The following LINGO2 variants were observed in gnomAD, a reference collection of about 807,000 sequenced individuals.
The protein encoded by LINGO2 is leucine rich repeat and Ig domain containing 2.
Under a neutral mutation model 30.6 loss-of-function variants are expected in LINGO2, and 14 were observed. The ratio of observed to expected loss-of-function variants is 0.46; its 90% confidence interval spans 0.30 to 0.72. The LOEUF (loss-of-function observed/expected upper bound fraction) is 0.72. Ranked by LOEUF, LINGO2 falls within the 30% of genes least tolerant of loss-of-function variation. The probability of loss-of-function intolerance (pLI) is 0.07; values close to 1 mark genes in which losing one functional copy is unlikely to be tolerated. For missense variants in LINGO2, 729 were observed against 751.7 expected (o/e 0.97, Z 0.35); for synonymous variants, 317 against 288.5 (o/e 1.10, Z -1.00).
In LINGO2 at chr9:28,233,052, AT is replaced by A. The variant is rs58593784; in HGVS notation, c.-87+62155del. ...ACATTATATATATATATATATATAT[AT>A]ATATATATTAGATATATAATAGATA... On this transcript the variant is annotated intron_variant, in intron 4 of 5. Coordinates refer to ENST00000379992, the Ensembl canonical transcript of LINGO2. Among the ~76,000 whole-genome samples the A allele has an allele frequency of 5.8e-4, 69 of 119,996 alleles. 2 individuals are homozygous for A. The highest frequency in any genetic ancestry group is 4.2e-3 in the South Asian group (16 of 3,768). The allele number at this position is 119,996 out of a possible 152,430, so 78.7% of individuals were successfully genotyped here.
At chr9:29,019,565 G>A in the LINGO2 span, among the ~76,000 whole-genome samples, 1 of 152,074 alleles carries the variant, frequency 6.6e-6, no homozygotes, top group Non-Finnish European at 1.5e-5. Context: ...GTCACATTTT[G>A]TCTAGTGAAA....
the LINGO2 span, among the ~76,000 whole-genome samples, chr9:28,862,190 G>A: frequency 1.3e-5 from 2 of 152,006 alleles, no homozygotes; most frequent in African/African-American, 4.8e-5. Flanking sequence ...CCCAACAAAA[G>A]CACAGGAAAT....
At chr9:29,090,803 A>G in the LINGO2 span, among the ~76,000 whole-genome samples, 1 of 151,950 alleles carries the variant, frequency 6.6e-6, no homozygotes, top group African/African-American at 2.4e-5. Flanking sequence ...TGATTACTCA[A>G]TGTCACTAGA....
intron 4 of LINGO2, among the ~76,000 whole-genome samples, chr9:28,261,718 G>T (rs961109964): frequency 2.6e-5 from 4 of 151,824 alleles, no homozygotes; most frequent in Non-Finnish European, 5.9e-5. Flanking sequence ...TATTATTCAA[G>T]AAGAGAACCA....
chr9:28,414,543 C>G (rs1250185963), intron 2 of LINGO2, among the ~76,000 whole-genome samples: 1 of 151,996 alleles, frequency 6.6e-6, no homozygotes. Flanking sequence ...AGAAAATATA[C>G]CTTACCAACT....
chr9:28,540,593 C>A (rs972043404), intron 1 of LINGO2, among the ~76,000 whole-genome samples: 37 of 152,002 alleles, frequency 2.4e-4, no homozygotes, highest in African/African-American at 8.9e-4. Context: ...ATTTTTCTTC[C>A]AAATAATCTA....
chr9:28,925,872 A>G, the LINGO2 span, among the ~76,000 whole-genome samples: 2 of 152,202 alleles, frequency 1.3e-5, no homozygotes, highest in South Asian at 4.1e-4. Context: ...ACAAGCAGTG[A>G]GTTTATGCCA....
the LINGO2 span, among the ~76,000 whole-genome samples, chr9:28,699,109 A>G: frequency 3.9e-5 from 6 of 151,998 alleles, no homozygotes; most frequent in Non-Finnish European, 7.4e-5. Flanking sequence ...ACTATGGTCA[A>G]TGAACACACT....
intron 2 of LINGO2, among the ~76,000 whole-genome samples, chr9:28,384,439 A>G (rs978392622): frequency 6.6e-6 from 1 of 150,784 alleles, no homozygotes; most frequent in Non-Finnish European, 1.5e-5. Flanking sequence ...ATTTTATTGT[A>G]GTTATTGATA....
upstream of LINGO2, among the ~76,000 whole-genome samples, chr9:28,671,196 A>C (rs1828994809): frequency 6.6e-6 from 1 of 152,018 alleles, no homozygotes; most frequent in Non-Finnish European, 1.5e-5. Flanking sequence ...GTGAATCAGC[A>C]CCATGGACGT....
chr9:28,871,067 T>G, the LINGO2 span, among the ~76,000 whole-genome samples: 3 of 151,894 alleles, frequency 2.0e-5, no homozygotes, highest in African/African-American at 7.2e-5. Flanking sequence ...GTAAAATATA[T>G]TGACAGATGA....
chr9:28,791,388 T>A, the LINGO2 span, among the ~76,000 whole-genome samples: 1 of 152,024 alleles, frequency 6.6e-6, no homozygotes, highest in Admixed American at 6.6e-5. Context: ...TTATATTTAA[T>A]AATAAACCAC....
the LINGO2 span, among the ~76,000 whole-genome samples, chr9:29,202,719 A>G: frequency 6.6e-6 from 1 of 152,082 alleles, no homozygotes; most frequent in Non-Finnish European, 1.5e-5. Flanking sequence ...TTACTTCAAC[A>G]TAATCATGGA....
At chr9:28,853,208 T>G in the LINGO2 span, among the ~76,000 whole-genome samples, 1 of 152,046 alleles carries the variant, frequency 6.6e-6, no homozygotes, top group Non-Finnish European at 1.5e-5. Flanking sequence ...GGATTCCTCT[T>G]GGGGACCAGG....
At chr9:29,080,523 C>T in the LINGO2 span, among the ~76,000 whole-genome samples, 6 of 151,716 alleles carry the variant, frequency 4.0e-5, no homozygotes, top group African/African-American at 9.7e-5. Context: ...CTAGTTCTTT[C>T]AATTGTGATG....
chr9:29,168,452 C>G, the LINGO2 span, among the ~76,000 whole-genome samples: 1 of 152,124 alleles, frequency 6.6e-6, no homozygotes, highest in African/African-American at 2.4e-5. Flanking sequence ...CCACACTTGC[C>G]TAGGATTGTT....
At chr9:28,457,304 G>C (rs994708643) in intron 2 of LINGO2, among the ~76,000 whole-genome samples, 6 of 152,110 alleles carry the variant, frequency 3.9e-5, no homozygotes, top group Non-Finnish European at 8.8e-5. Flanking sequence ...CTTTCAAACA[G>C]GACTGAAATG....
At chr9:28,744,609 C>CATGTGTGT in the LINGO2 span, among the ~76,000 whole-genome samples, 1 of 133,954 alleles carries the variant, frequency 7.5e-6, no homozygotes. Flanking sequence ...ATATTCCCCT[C>CATGTGTGT]GTGTGTGTGT....
chr9:28,038,680 G>C (rs907770550), intron 4 of LINGO2, among the ~76,000 whole-genome samples: 1 of 132,916 alleles, frequency 7.5e-6, no homozygotes, highest in African/African-American at 2.9e-5. Flanking sequence ...GCGACAGAGC[G>C]AGACTCCGTC....
Sources: allele counts gnomAD v4.1 joint callset (sites outside exome capture counted in the v4.1 genomes callset), GRCh38; gene constraint gnomAD v4.1.1; transcripts MANE v1.5; gene names NCBI Gene and HGNC (gene_info 2026-07-23, HGNC 2026-07-21).